Variants in TLX3 observed in about 807,000 individuals in gnomAD.
TLX3 encodes the protein T-cell leukemia homeobox protein 3.
Under a neutral mutation model 19.6 loss-of-function variants are expected in TLX3, and 11 were observed. The observed-to-expected ratio is 0.56, with a 90% CI of 0.35 to 0.93. The LOEUF is 0.93. Among genes scored for constraint, TLX3 ranks in the 40% least tolerant of loss-of-function variants. TLX3 has a pLI of 0.01. For missense variants in TLX3, 375 were observed against 418.6 expected (o/e 0.90, Z 0.91); for synonymous variants, 221 against 188.1 (o/e 1.17, Z -1.43).
In TLX3 at chr5:171,310,307, T is replaced by C. The variant is rs774222732; in HGVS notation, c.579T>C (p.Ser193=). 3.1e-5 allele frequency: 49 copies of C among 1,606,548 alleles called. No homozygotes were observed. Among genetic ancestry groups the C allele is most frequent in the Non-Finnish European group, 3.7e-5 (44 of 1,176,830 alleles). Reference sequence around the variant, plus strand: ...TCCATCGCCAGAAGTACCTGGCCTCTGCCGAGAGGGCGGCGCTCGCCAAGT... The same window carrying C: ...TCCATCGCCAGAAGTACCTGGCCTCCGCCGAGAGGGCGGCGCTCGCCAAGT... ...KRFHRQKYLA[S]AERAALAKSL... The change falls in exon 2 of 3, where the codon TCT becomes TCC. Residue 193 remains serine (S), a synonymous_variant. Transcript: ENST00000296921.
At position 171,310,348 on chromosome 5, in the gene TLX3, A is replaced by G; in HGVS notation, c.620A>G (p.Asp207Gly). ...CTCGCCAAGTCCCTCAAAATGACGG[A>G]CGCGCAGGTCAAGACCTGGTTCCAA... ...AALAKSLKMT[D>G]AQVKTWFQNR... The change falls in exon 2 of 3, where the codon GAC (aspartate) becomes GGC (glycine). Residue 207 changes from aspartate to glycine, a missense_variant. By Grantham distance (94) the Asp-to-Gly change is moderately conservative. This residue lies in a region of TLX3 where 74 missense variants were observed against 138.6 expected (regional missense o/e 0.53). Coordinates refer to ENST00000296921, the MANE Select transcript of TLX3 (RefSeq NM_021025.4). The G allele has an allele frequency of 3.1e-6, 5 of 1,613,582 alleles. No individual in the cohort carries two copies. Among genetic ancestry groups the G allele is most frequent in the Non-Finnish European group, 4.2e-6 (5 of 1,179,832 alleles).
chr5:171,311,690 C>G lies in TLX3; in HGVS notation c.*91C>G. ...AGGCGGGCTGCGGGGGAACCGGCGCCGAGAGGGGAAGGGGCCGCCTAGCCC... is the reference window on the plus strand; with the variant it reads ...AGGCGGGCTGCGGGGGAACCGGCGCGGAGAGGGGAAGGGGCCGCCTAGCCC... On this transcript the variant is annotated 3_prime_UTR_variant, in exon 3 of 3. Coordinates refer to ENST00000296921, the MANE Select transcript of TLX3 (RefSeq NM_021025.4). This position sits in a 1 kb window ranked among gnomAD's most constrained non-coding sequence, Gnocchi z 5.1. The G allele has an allele frequency of 2.9e-6, 3 of 1,049,148 alleles. No individual in the cohort carries two copies. The highest frequency in any genetic ancestry group is 4.1e-6 in the Non-Finnish European group (3 of 735,470). 65.0% of individuals were successfully genotyped at this position (1,049,148 alleles called of 1,614,324 possible).
Position 171,309,456 on chromosome 5 carries a change from A to G in TLX3, c.91A>G (p.Ser31Gly). ...GATCCTTAACAGCCCGGACCAGGAC[A>G]GCGCACCCGCCCCGCGGGGCCCCGA... is the stretch of plus-strand genomic sequence containing the variant. ...DQILNSPDQD[S>G]APAPRGPDGA... The change falls in exon 1 of 3, where the codon AGC becomes GGC. Residue 31 changes from serine to glycine, a missense_variant. This residue lies in a region of TLX3 where 239 missense variants were observed against 217.0 expected (regional missense o/e 1.10). Coordinates refer to ENST00000296921, the MANE Select transcript of TLX3 (RefSeq NM_021025.4). 6.2e-7 allele frequency: 1 copy of G among 1,601,260 alleles called. No homozygotes were observed. Among genetic ancestry groups the G allele is most frequent in the Non-Finnish European group, 8.5e-7 (1 of 1,174,814 alleles).
In TLX3 at chr5:171,311,691, G is replaced by A; in HGVS notation, c.*92G>A. On this transcript the variant is annotated 3_prime_UTR_variant, in exon 3 of 3. Coordinates refer to ENST00000296921, the MANE Select transcript of TLX3 (RefSeq NM_021025.4). The surrounding 1 kb of genome is among the most constrained non-coding windows in gnomAD (Gnocchi z 5.1). ...GGCGGGCTGCGGGGGAACCGGCGCC[G>A]AGAGGGGAAGGGGCCGCCTAGCCCG... 2.9e-6 allele frequency: 3 copies of A among 1,022,156 alleles called. No homozygotes were observed. The highest frequency in any genetic ancestry group is 2.7e-5 in the Admixed American group (1 of 37,326). The allele number at this position is 1,022,156 out of a possible 1,614,324, so 63.3% of individuals were successfully genotyped here.
intron 1 of TLX3, 68 bp from the exon 2 acceptor site, chr5:171,310,082 G>A: frequency 6.7e-7 from 1 of 1,486,688 alleles, no homozygotes; most frequent in Non-Finnish European, 8.9e-7. Flanking sequence ...GGCGCCACGG[G>A]GTCCGCATGG....
rs576901747 is a variant in TLX3 at position 171,311,659 on chromosome 5, C to G, written c.*60C>G. The stretch of plus-strand genomic sequence containing the variant: ...CCCCCACCCAGCCGGGCGCCCCGGA[C>G]CCCCCAGGCGGGCTGCGGGGGAACC... On this transcript the variant is annotated 3_prime_UTR_variant, in exon 3 of 3. Coordinates refer to ENST00000296921, the MANE Select transcript of TLX3 (RefSeq NM_021025.4). The surrounding 1 kb of genome is among the most constrained non-coding windows in gnomAD (Gnocchi z 5.1). The G allele has an allele frequency of 9.5e-6, 13 of 1,370,230 alleles. No individual in the cohort carries two copies. Among genetic ancestry groups the G allele is most frequent in the Non-Finnish European group, 1.3e-5 (13 of 992,948 alleles). 84.9% of individuals were successfully genotyped at this position (1,370,230 alleles called of 1,614,324 possible).
At position 171,309,557 on chromosome 5, in the gene TLX3, G is replaced by C. The variant is rs1029058552; in HGVS notation, c.192G>C (p.Ala64=). The C allele has an allele frequency of 1.3e-6, 2 of 1,580,870 alleles. No homozygotes were observed. Among genetic ancestry groups the C allele is most frequent in the Non-Finnish European group, 1.7e-6 (2 of 1,165,008 alleles). The part of the protein sequence containing the change: ...ATYPSLPASF[A]GLGAPFEDAG... ...ACCCGTCTCTGCCCGCCTCCTTTGCGGGCCTCGGCGCGCCCTTCGAGGACG... is the reference window on the plus strand; with the variant it reads ...ACCCGTCTCTGCCCGCCTCCTTTGCCGGCCTCGGCGCGCCCTTCGAGGACG... The change falls in exon 1 of 3, where the codon GCG becomes GCC. Residue 64 remains alanine, a synonymous_variant. Coordinates refer to ENST00000296921, the MANE Select transcript of TLX3 (RefSeq NM_021025.4).
At chr5:171,309,925 C>G in intron 1 of TLX3, 139 bp downstream of exon 1, 2 of 1,321,860 alleles carry the variant, frequency 1.5e-6, no homozygotes, top group South Asian at 1.5e-5. Context: ...CCCGGGCAGC[C>G]GTGGTGGGGA....
chr5:171,311,255 G>T lies in TLX3; in HGVS notation c.666-134G>T. ...TATAAGAGCCTCGGGCGTAAAGCGCGGGCTGGGAGGCAGACGGGTTCTGCG... is the reference window on the plus strand; with the variant it reads ...TATAAGAGCCTCGGGCGTAAAGCGCTGGCTGGGAGGCAGACGGGTTCTGCG... On this transcript the variant is annotated intron_variant, in intron 2 of 2. Transcript: ENST00000296921. This position sits in a 1 kb window ranked among gnomAD's most constrained non-coding sequence, Gnocchi z 5.1. The T allele has an allele frequency of 1.4e-6, 1 of 690,782 alleles. No individual in the cohort carries two copies. The allele number at this position is 690,782 out of a possible 1,614,324, so 42.8% of individuals were successfully genotyped here. A position where few individuals can be genotyped will look rare whatever the true frequency, so the allele number is the denominator to read the frequency against.
At position 171,311,266 on chromosome 5, in the gene TLX3, C is replaced by A; in HGVS notation, c.666-123C>A. On this transcript the variant is annotated intron_variant, in intron 2 of 2. Transcript: ENST00000296921. The surrounding 1 kb of genome is among the most constrained non-coding windows in gnomAD (Gnocchi z 5.1). ...CGGGCGTAAAGCGCGGGCTGGGAGG[C>A]AGACGGGTTCTGCGCCTCGAGGCTC... The A allele has an allele frequency of 2.6e-6, 2 of 761,182 alleles. No homozygotes were observed. Among genetic ancestry groups the A allele is most frequent in the Non-Finnish European group, 4.1e-6 (2 of 482,974 alleles). The allele number at this position is 761,182 out of a possible 1,614,324, so 47.2% of individuals were successfully genotyped here.
In TLX3 at chr5:171,309,898, G is replaced by T. The variant is rs879823141; in HGVS notation, c.421+112G>T. On this transcript the variant is annotated intron_variant, in intron 1 of 2. Transcript: ENST00000296921. ...ATTTCAGAGGCCCAAGCGCGGCGGA[G>T]GCCTCGGCCCCAGGGCCCCGGGCAG... 8.4e-5 allele frequency: 117 copies of T among 1,389,388 alleles called. 1 individual carries two copies. The highest frequency in any genetic ancestry group is 7.8e-4 in the Admixed American group (27 of 34,816). 86.1% of individuals were successfully genotyped at this position (1,389,388 alleles called of 1,614,324 possible). A position where few individuals can be genotyped will look rare whatever the true frequency, so the allele number is the denominator to read the frequency against.
rs1432173180 is a variant in TLX3 at position 171,311,163 on chromosome 5, G to T, written c.666-226G>T. ...ACCCGGGCGTGCAGGTGGGCGGCGG[G>T]CAGAGTCCCCTCCTGGAGACCCTCT... On this transcript the variant is annotated intron_variant, in intron 2 of 2. Transcript: ENST00000296921. The surrounding 1 kb of genome is among the most constrained non-coding windows in gnomAD (Gnocchi z 5.1). Among the ~76,000 whole-genome samples, 3 of 152,192 alleles carry T rather than the reference G, an allele frequency of 2.0e-5. No individual in the cohort carries two copies. Among genetic ancestry groups the T allele is most frequent in the African/African-American group, 7.2e-5 (3 of 41,460 alleles).
intron 1 of TLX3, 89 bp from the exon 2 acceptor site, chr5:171,310,061 G>A (rs1232264418): frequency 6.8e-7 from 1 of 1,465,840 alleles, no homozygotes; most frequent in Non-Finnish European, 9.0e-7. Context: ...GGAGCTCTCC[G>A]TGTCCCACGG....
At position 171,310,491 on chromosome 5, in the gene TLX3, AC is replaced by A. The variant is rs1769201306; in HGVS notation, c.665+103del. ...TAGCCCTATTTTAAGGCTATCCACT[AC>A]CCCCGCCCCCCTCTGCCTCCCCCAA... On this transcript the variant is annotated intron_variant, in intron 2 of 2. Coordinates refer to ENST00000296921, the MANE Select transcript of TLX3 (RefSeq NM_021025.4). 43 of 1,384,084 alleles carry A rather than the reference AC, an allele frequency of 3.1e-5. No homozygotes were observed. The South Asian group carries it at 4.3e-4, about 14-fold the overall frequency. The allele number at this position is 1,384,084 out of a possible 1,614,324, so 85.7% of individuals were successfully genotyped here.
At position 171,309,631 on chromosome 5, in the gene TLX3, G is replaced by T; in HGVS notation, c.266G>T (p.Arg89Leu). The change falls in exon 1 of 3, where the codon CGG (arginine) becomes CTG (leucine). Residue 89 changes from arginine (R) to leucine (L), a missense_variant. Transcript: ENST00000296921. The stretch of plus-strand genomic sequence containing the variant: ...AGCCTAGCGCCCGCAGGCGTGATCC[G>T]GGTGCCGGCGCACAGGCCGCTGCCC... ...NLSLAPAGVIRVPAHRPLPGA... is the reference protein window; with the variant it reads ...NLSLAPAGVILVPAHRPLPGA... 6.2e-7 allele frequency: 1 copy of T among 1,607,888 alleles called. No homozygotes were observed. The highest frequency in any genetic ancestry group is 8.5e-7 in the Non-Finnish European group (1 of 1,178,010).
chr5:171,309,823 C>T (rs760277615), intron 1 of TLX3, 37 bp downstream of exon 1: 3 of 1,523,774 alleles, frequency 2.0e-6, no homozygotes, highest in East Asian at 2.3e-5. Context: ...AGGCCTCCGC[C>T]CTCTCGGGGC....
Position 171,311,441 on chromosome 5 carries a change from A to C in TLX3, c.718A>C (p.Met240Leu). The change falls in exon 3 of 3, where the codon ATG (methionine) becomes CTG (leucine). Residue 240 changes from methionine (M) to leucine (L), a missense_variant. Met to Leu is a conservative substitution (Grantham distance 15). Transcript: ENST00000296921. The surrounding 1 kb of genome is among the most constrained non-coding windows in gnomAD (Gnocchi z 5.1). The stretch of plus-strand genomic sequence containing the variant: ...GGAGCGGCAGCAGGCGAGCCGGCTC[A>C]TGCTGCAGCTGCAACACGACGCCTT... ...EAERQQASRL[M>L]LQLQHDAFQK... The C allele has an allele frequency of 1.3e-6, 2 of 1,581,738 alleles. No homozygotes were observed. The highest frequency in any genetic ancestry group is 1.8e-5 in the Admixed American group (1 of 55,550).
chr5:171,311,704 G>A lies in TLX3; in HGVS notation c.*105G>A. Reference sequence around the variant, plus strand: ...GGAACCGGCGCCGAGAGGGGAAGGGGCCGCCTAGCCCGAGTAGGCCCCAGG... The same window carrying A: ...GGAACCGGCGCCGAGAGGGGAAGGGACCGCCTAGCCCGAGTAGGCCCCAGG... On this transcript the variant is annotated 3_prime_UTR_variant, in exon 3 of 3. Coordinates refer to ENST00000296921, the MANE Select transcript of TLX3 (RefSeq NM_021025.4). The surrounding 1 kb of genome is among the most constrained non-coding windows in gnomAD (Gnocchi z 5.1). The A allele has an allele frequency of 2.3e-6, 2 of 867,674 alleles. No homozygotes were observed. The highest frequency in any genetic ancestry group is 3.2e-5 in the Admixed American group (1 of 31,530). 53.7% of individuals were successfully genotyped at this position (867,674 alleles called of 1,614,324 possible). A position where few individuals can be genotyped will look rare whatever the true frequency, so the allele number is the denominator to read the frequency against.
At position 171,309,312 on chromosome 5, in the gene TLX3, G is replaced by C. The variant is rs1769174144; in HGVS notation, c.-54G>C. On this transcript the variant is annotated 5_prime_UTR_variant, in exon 1 of 3. Coordinates refer to ENST00000296921, the MANE Select transcript of TLX3 (RefSeq NM_021025.4). ...GGGCGCTCCATGGCCGCGCCGTAAC[G>C]GGGACCCAGCCGCCTCCCCGCCCAG... is the stretch of plus-strand genomic sequence containing the variant. 2 of 1,426,890 alleles carry C rather than the reference G, an allele frequency of 1.4e-6. No homozygotes were observed. The highest frequency in any genetic ancestry group is 2.6e-5 in the East Asian group (1 of 38,088). The allele number at this position is 1,426,890 out of a possible 1,614,324, so 88.4% of individuals were successfully genotyped here. A position where few individuals can be genotyped will look rare whatever the true frequency, so the allele number is the denominator to read the frequency against.
Sources: gnomAD v4.1 joint callset for allele counts (sites outside exome capture counted in the v4.1 genomes callset) on GRCh38, gnomAD v4.1.1 for gene constraint, gnomAD v4.1.1 regional missense constraint, Gnocchi (gnomAD v3.1) non-coding constraint, MANE v1.5 for transcripts, NCBI Gene and HGNC (gene_info 2026-07-23, HGNC 2026-07-21) for gene names.